Variants in ANKS1B observed in about 807,000 individuals in gnomAD.
The protein encoded by ANKS1B is ankyrin repeat and sterile alpha motif domain containing 1B.
In ANKS1B, 36 loss-of-function variants were observed where a neutral mutation model predicts 148.3. That is an observed-to-expected ratio of 0.24 (90% CI 0.19 to 0.32). The LOEUF is 0.32. Ranked by LOEUF, ANKS1B falls within the 10% of genes least tolerant of loss-of-function variation. The probability of loss-of-function intolerance (pLI) is 1.00; values close to 1 mark genes in which losing one functional copy is unlikely to be tolerated. For synonymous variants in ANKS1B, 542 were observed against 560.8 expected (o/e 0.97, Z 0.47); for missense variants, 1,157 against 1,542.6 (o/e 0.75, Z 4.19).
chr12:99,884,305 T>C (rs61940327), intron 1 of ANKS1B, among the ~76,000 whole-genome samples: 25,801 of 152,158 alleles, frequency 0.17, 2,726 homozygotes, highest in Non-Finnish European at 0.24. Flanking sequence ...ACATTGCTGA[T>C]GGGAATGTAA....
At chr12:98,880,627 G>A (rs995534634) in intron 17 of ANKS1B, among the ~76,000 whole-genome samples, 2 of 152,052 alleles carry the variant, frequency 1.3e-5, no homozygotes, top group Non-Finnish European at 2.9e-5. Flanking sequence ...AGTTAGCTGG[G>A]CGTGGTGGCG....
rs184796525 is a variant in ANKS1B at position 99,182,823 on chromosome 12, A to G, written c.2420-28428T>C. 1.1e-3 allele frequency among the ~76,000 whole-genome samples: 164 copies of G among 152,174 alleles called. 2 individuals carry two copies. Among genetic ancestry groups the G allele is most frequent in the Non-Finnish European group, 1.5e-5 (1 of 67,970 alleles). The stretch of plus-strand genomic sequence containing the variant: ...TTTCTCCACGTCTTCACCAGCATTT[A>G]TTATTGCTTGTCTTTTGGATAAAAG... On this transcript the variant is annotated intron_variant, in intron 14 of 26. Coordinates refer to ENST00000683438, the MANE Select transcript of ANKS1B (RefSeq NM_001352186.2).
At chr12:99,495,342 A>ATGTGTGT (rs113178715) in intron 10 of ANKS1B, among the ~76,000 whole-genome samples, 1 of 145,298 alleles carries the variant, frequency 6.9e-6, no homozygotes, top group African/African-American at 2.6e-5. Context: ...GGGGAGAAAA[A>ATGTGTGT]GTGTGTGTGT....
At chr12:98,840,426 C>T (rs2099399536) in intron 17 of ANKS1B, among the ~76,000 whole-genome samples, 1 of 152,084 alleles carries the variant, frequency 6.6e-6, no homozygotes, top group African/African-American at 2.4e-5. Flanking sequence ...CTGTACTAAC[C>T]TATGGAAAGG....
At chr12:99,455,315 T>C (rs771251878) in intron 10 of ANKS1B, among the ~76,000 whole-genome samples, 2 of 152,096 alleles carry the variant, frequency 1.3e-5, no homozygotes, top group African/African-American at 4.8e-5. Context: ...AAAAGGTGGA[T>C]AGGAGGCAGG....
intron 12 of ANKS1B, among the ~76,000 whole-genome samples, chr12:99,382,131 T>C (rs1015684040): frequency 2.0e-5 from 3 of 152,152 alleles, no homozygotes; most frequent in African/African-American, 7.2e-5. Context: ...GAGAAACTTA[T>C]CTTATTGTTC....
chr12:99,158,647 A>T (rs2153828028), intron 14 of ANKS1B, among the ~76,000 whole-genome samples: 1 of 152,314 alleles, frequency 6.6e-6, no homozygotes, highest in East Asian at 1.9e-4. Flanking sequence ...AAGTCTTTGC[A>T]AAGTGTCCTA....
chr12:98,817,368 C>T (rs1190407096), intron 19 of ANKS1B, among the ~76,000 whole-genome samples: 1 of 152,240 alleles, frequency 6.6e-6, no homozygotes, highest in African/African-American at 2.4e-5. Flanking sequence ...GGGTAACGCA[C>T]CAAACACCTT....
At chr12:99,060,335 C>G (rs906942398) in intron 16 of ANKS1B, among the ~76,000 whole-genome samples, 2 of 151,980 alleles carry the variant, frequency 1.3e-5, no homozygotes, top group African/African-American at 2.4e-5. Flanking sequence ...AGAGAAACCA[C>G]AGGACAGTAC....
chr12:99,924,446 A>G (rs1276187387), intron 1 of ANKS1B, among the ~76,000 whole-genome samples: 1 of 152,158 alleles, frequency 6.6e-6, no homozygotes, highest in African/African-American at 2.4e-5. Flanking sequence ...TTCTTAGTTC[A>G]GCTTTTAAGT....
intron 9 of ANKS1B, chr12:99,647,933 A>G: frequency 1.9e-6 from 1 of 526,112 alleles, no homozygotes; most frequent in South Asian, 3.2e-5. Flanking sequence ...TGCTCCTGAC[A>G]GCTCCATGCA....
intron 9 of ANKS1B, among the ~76,000 whole-genome samples, chr12:99,646,010 C>T (rs1196483033): frequency 2.5e-5 from 3 of 122,122 alleles, no homozygotes; most frequent in Non-Finnish European, 3.5e-5. Context: ...CAAAAAAGTA[C>T]TTTTAAGAAA....
intron 17 of ANKS1B, among the ~76,000 whole-genome samples, chr12:98,975,259 T>G (rs556429830): frequency 7.5e-6 from 1 of 133,202 alleles, no homozygotes; most frequent in Non-Finnish European, 1.6e-5. Context: ...TTTCTTTCCT[T>G]CATTCCTCCC....
At position 98,852,286 on chromosome 12, in the gene ANKS1B, C is replaced by T. The variant is rs558700643; in HGVS notation, c.2779-20150G>A. Among the ~76,000 whole-genome samples the T allele has an allele frequency of 8.7e-4, 132 of 152,106 alleles. 1 individual carries two copies. The highest frequency in any genetic ancestry group is 3.0e-3 in the African/African-American group (126 of 41,488). On this transcript the variant is annotated intron_variant, in intron 17 of 26. Coordinates refer to ENST00000683438, the MANE Select transcript of ANKS1B (RefSeq NM_001352186.2). ...AGTTGCTGAATGAATAAATGAATGG[C>T]AATGGGAGGAGGGAGCAGATCTGAG...
At chr12:99,389,513 C>G (rs1298025287) in intron 12 of ANKS1B, among the ~76,000 whole-genome samples, 1 of 152,198 alleles carries the variant, frequency 6.6e-6, no homozygotes, top group Non-Finnish European at 1.5e-5. Flanking sequence ...GTAAGCTTTT[C>G]TCTCACAGCT....
intron 25 of ANKS1B, among the ~76,000 whole-genome samples, chr12:98,766,088 C>A (rs1308028571): frequency 6.6e-6 from 1 of 152,184 alleles, no homozygotes; most frequent in Non-Finnish European, 1.5e-5. Flanking sequence ...TTTCTAACTT[C>A]ACAAAAAATG....
intron 14 of ANKS1B, among the ~76,000 whole-genome samples, chr12:99,168,509 A>C (rs532022021): frequency 2.6e-5 from 4 of 151,700 alleles, no homozygotes; most frequent in African/African-American, 7.3e-5. Flanking sequence ...ACAAGAGCAA[A>C]ACTCCATCTC....
intron 1 of ANKS1B, among the ~76,000 whole-genome samples, chr12:99,933,203 C>T (rs981607353): frequency 1.1e-4 from 16 of 151,956 alleles, no homozygotes; most frequent in Middle Eastern, 3.2e-3. Context: ...GTGATTCCTC[C>T]GGTTTTGTTC....
At chr12:99,953,254 C>T (rs1390315316) in intron 1 of ANKS1B, among the ~76,000 whole-genome samples, 1 of 151,966 alleles carries the variant, frequency 6.6e-6, no homozygotes, top group Non-Finnish European at 1.5e-5. Context: ...TGGGTTAGTA[C>T]TAAGTCACAA....
Sources: allele counts gnomAD v4.1 joint callset (sites outside exome capture counted in the v4.1 genomes callset), GRCh38; gene constraint gnomAD v4.1.1; transcripts MANE v1.5; gene names NCBI Gene and HGNC (gene_info 2026-07-23, HGNC 2026-07-21).